Variants in SPMIP11 observed in about 807,000 individuals in gnomAD.
The protein encoded by SPMIP11 is long intergenic non-protein coding RNA 935.
chr12:48,743,910 G>C, the SPMIP11 span, among the ~76,000 whole-genome samples: 2 of 131,644 alleles, frequency 1.5e-5, no homozygotes, highest in African/African-American at 3.1e-5. Flanking sequence ...TCCAGCCTGG[G>C]GAACAAGAGC....
the SPMIP11 span, among the ~76,000 whole-genome samples, chr12:48,729,261 C>T: frequency 1.1e-3 from 162 of 151,948 alleles, no homozygotes; most frequent in African/African-American, 3.7e-3. Context: ...AAGAGCCGGG[C>T]GCGGTGGCTC....
chr12:48,754,433 TG>T, the SPMIP11 span, among the ~76,000 whole-genome samples: 1 of 151,938 alleles, frequency 6.6e-6, no homozygotes, highest in African/African-American at 2.4e-5. Context: ...ATTACAGGCC[TG>T]GGCCACTGCA....
the SPMIP11 span, among the ~76,000 whole-genome samples, chr12:48,755,103 G>A: frequency 7.2e-5 from 11 of 152,310 alleles, no homozygotes; most frequent in South Asian, 2.3e-3. Context: ...AACTAAGATT[G>A]TGTGACCACC....
chr12:48,769,020 G>A, the SPMIP11 span: 22 of 1,613,508 alleles, frequency 1.4e-5, no homozygotes, highest in South Asian at 2.2e-5. Context: ...TGTGGCTTCC[G>A]AGCCCCGATG....
the SPMIP11 span, among the ~76,000 whole-genome samples, chr12:48,748,119 A>G: frequency 6.6e-6 from 1 of 152,060 alleles, no homozygotes; most frequent in African/African-American, 2.4e-5. Context: ...CTTGCTCCTT[A>G]TTTCACTAAG....
At chr12:48,744,066 T>C in the SPMIP11 span, among the ~76,000 whole-genome samples, 1 of 148,234 alleles carries the variant, frequency 6.7e-6, no homozygotes, top group Non-Finnish European at 1.5e-5. Flanking sequence ...CTGACCAACA[T>C]GGAGAAACCC....
At chr12:48,732,455 A>G in the SPMIP11 span, among the ~76,000 whole-genome samples, 1 of 152,074 alleles carries the variant, frequency 6.6e-6, no homozygotes, top group Non-Finnish European at 1.5e-5. Context: ...GCAAGCTTGG[A>G]TCAATTAACA....
At chr12:48,754,132 G>A in the SPMIP11 span, among the ~76,000 whole-genome samples, 1 of 152,154 alleles carries the variant, frequency 6.6e-6, no homozygotes, top group Non-Finnish European at 1.5e-5. Context: ...AGAGTGTGAT[G>A]GCTCATGCCT....
chr12:48,751,028 G>A, the SPMIP11 span, among the ~76,000 whole-genome samples: 1 of 151,914 alleles, frequency 6.6e-6, no homozygotes, highest in African/African-American at 2.4e-5. Flanking sequence ...TCTTAACACT[G>A]TTACTATCAT....
chr12:48,760,259 G>A, the SPMIP11 span, among the ~76,000 whole-genome samples: 4 of 149,756 alleles, frequency 2.7e-5, no homozygotes, highest in South Asian at 2.1e-4. Flanking sequence ...CTGCAGCCTC[G>A]AACTCCTGGG....
At chr12:48,744,698 G>T in the SPMIP11 span, among the ~76,000 whole-genome samples, 201 of 151,126 alleles carry the variant, frequency 1.3e-3, no homozygotes, top group Non-Finnish European at 1.9e-3. Context: ...TAGCCTGGGC[G>T]ACAAGAGTGA....
the SPMIP11 span, among the ~76,000 whole-genome samples, chr12:48,729,667 G>A: frequency 6.8e-5 from 10 of 147,708 alleles, no homozygotes; most frequent in East Asian, 4.0e-4. Context: ...CCGAGATCGC[G>A]CCACTGCACT....
At chr12:48,732,377 A>C in the SPMIP11 span, among the ~76,000 whole-genome samples, 7 of 152,066 alleles carry the variant, frequency 4.6e-5, no homozygotes, top group Non-Finnish European at 1.0e-4. Flanking sequence ...TGGCTCACCT[A>C]ATCAGCACCT....
the SPMIP11 span, chr12:48,759,332 G>A: frequency 1.4e-6 from 1 of 702,728 alleles, no homozygotes; most frequent in African/African-American, 1.7e-5. Context: ...TTGAAGACGT[G>A]TAAGTACCTT....
chr12:48,758,442 G>A, the SPMIP11 span, among the ~76,000 whole-genome samples: 2 of 152,188 alleles, frequency 1.3e-5, no homozygotes, highest in Admixed American at 1.3e-4. Flanking sequence ...ACTTTATATG[G>A]CCACTGCTTC....
At chr12:48,752,967 A>T in the SPMIP11 span, among the ~76,000 whole-genome samples, 1 of 151,950 alleles carries the variant, frequency 6.6e-6, no homozygotes, top group African/African-American at 2.4e-5. Context: ...CCACTGTGCC[A>T]GGCCATCCTA....
chr12:48,742,090 A>T, the SPMIP11 span, among the ~76,000 whole-genome samples: 55 of 152,082 alleles, frequency 3.6e-4, no homozygotes, highest in African/African-American at 1.2e-3. Flanking sequence ...TTTAAAAAAA[A>T]TTTTTTGTAG....
chr12:48,765,635 AG>A, the SPMIP11 span: 1 of 703,028 alleles, frequency 1.4e-6, no homozygotes, highest in Non-Finnish European at 2.6e-6. Context: ...TCTCAATGAC[AG>A]GACCTTCAGT....
the SPMIP11 span, among the ~76,000 whole-genome samples, chr12:48,752,217 T>C: frequency 2.0e-5 from 3 of 152,194 alleles, no homozygotes; most frequent in African/African-American, 7.2e-5. Flanking sequence ...TATTTACATA[T>C]AGAACATATA....
Sources: allele counts gnomAD v4.1 joint callset (sites outside exome capture counted in the v4.1 genomes callset), GRCh38; gene constraint gnomAD v4.1.1; transcripts MANE v1.5; gene names NCBI Gene and HGNC (gene_info 2026-07-23, HGNC 2026-07-21).